IGSF21: variants seen among roughly 807,000 people sequenced by gnomAD.
IGSF21 encodes immunoglobulin superfamily member 21.
In IGSF21, 28 loss-of-function variants were observed where a neutral mutation model predicts 46.8. The observed-to-expected ratio is 0.60, with a 90% CI of 0.44 to 0.82. The LOEUF is 0.82. IGSF21 is among the 40% of genes least tolerant of loss of function. The probability of loss-of-function intolerance (pLI) is 0.00; values close to 1 mark genes in which losing one functional copy is unlikely to be tolerated. For missense variants in IGSF21, 624 were observed against 665.5 expected (o/e 0.94, Z 0.69); for synonymous variants, 284 against 273.6 (o/e 1.04, Z -0.38).
At chr1:18,206,147 G>C (rs556883851) in intron 1 of IGSF21, among the ~76,000 whole-genome samples, 3 of 152,218 alleles carry the variant, frequency 2.0e-5, no homozygotes, top group Non-Finnish European at 4.4e-5. Context: ...GAGGTTAGCT[G>C]GGAATTTTAG....
At chr1:18,160,565 A>G (rs2086609607) in intron 1 of IGSF21, among the ~76,000 whole-genome samples, 1 of 122,720 alleles carries the variant, frequency 8.1e-6, no homozygotes, top group South Asian at 2.7e-4. Flanking sequence ...TTTAAGTCAT[A>G]ATTTCTTTTC....
intron 3 of IGSF21, among the ~76,000 whole-genome samples, chr1:18,304,939 C>T (rs766401814): frequency 6.6e-6 from 1 of 152,208 alleles, no homozygotes; most frequent in Non-Finnish European, 1.5e-5. Flanking sequence ...GAATTTGCTC[C>T]AGGTGCTTCA....
At chr1:18,275,196 C>T (rs2124549826) in intron 2 of IGSF21, among the ~76,000 whole-genome samples, 1 of 152,354 alleles carries the variant, frequency 6.6e-6, no homozygotes, top group East Asian at 1.9e-4. Context: ...GCAGCTCTTG[C>T]AGGCTCTGGG....
At chr1:18,333,801 A>G (rs558986) in intron 3 of IGSF21, among the ~76,000 whole-genome samples, 135,518 of 152,250 alleles carry the variant, frequency 0.89, 60,601 homozygotes, top group East Asian at 0.99. Flanking sequence ...AACAGGAGCC[A>G]TCCAACTACA....
At position 18,345,478 on chromosome 1, in the gene IGSF21, G is replaced by A. The variant is rs891403891; in HGVS notation, c.424+10468G>A. 2.0e-5 allele frequency among the ~76,000 whole-genome samples: 3 copies of A among 152,128 alleles called. No individual in the cohort carries two copies. In the East Asian group the frequency reaches 5.8e-4, roughly 29 times the overall value. ...TAGCTCAATGCAACCTCCGCCTCCT[G>A]AGTTCAAGTCATCCTTGTGCCTCAG... On this transcript the variant is annotated intron_variant, in intron 4 of 9. Transcript: ENST00000251296.
intron 3 of IGSF21, among the ~76,000 whole-genome samples, chr1:18,306,240 G>A (rs1301564238): frequency 1.3e-5 from 2 of 152,034 alleles, no homozygotes; most frequent in Non-Finnish European, 2.9e-5. Flanking sequence ...ATCAGCTTCC[G>A]GACACCTTGG....
intron 4 of IGSF21, among the ~76,000 whole-genome samples, chr1:18,336,269 A>G (rs567127522): frequency 6.6e-6 from 1 of 152,354 alleles, no homozygotes; most frequent in African/African-American, 2.4e-5. Flanking sequence ...AAAGCAGAGT[A>G]AAGGGATAAA....
At chr1:18,259,609 C>T in intron 2 of IGSF21, among the ~76,000 whole-genome samples, 1 of 152,108 alleles carries the variant, frequency 6.6e-6, no homozygotes, top group East Asian at 1.9e-4. Flanking sequence ...GGGGACTTTC[C>T]TCCTGACATT....
intron 1 of IGSF21, among the ~76,000 whole-genome samples, chr1:18,204,006 T>C (rs1490821929): frequency 6.6e-6 from 1 of 152,208 alleles, no homozygotes; most frequent in African/African-American, 2.4e-5. Context: ...CTTGTTTCCT[T>C]TATCTGTAAG....
At chr1:18,248,075 A>G (rs1280865014) in intron 2 of IGSF21, among the ~76,000 whole-genome samples, 1 of 152,258 alleles carries the variant, frequency 6.6e-6, no homozygotes, top group African/African-American at 2.4e-5. Flanking sequence ...AAGTGTCTAC[A>G]CTGCAAGGAG....
intron 3 of IGSF21, among the ~76,000 whole-genome samples, chr1:18,328,951 C>A (rs2085685036): frequency 6.6e-6 from 1 of 152,162 alleles, no homozygotes; most frequent in Non-Finnish European, 1.5e-5. Flanking sequence ...AATTAAGGGG[C>A]CCGCCAGAAG....
intron 2 of IGSF21, among the ~76,000 whole-genome samples, chr1:18,250,124 T>TCCCTCCCA (rs1378581859): frequency 1.1e-5 from 1 of 94,700 alleles, no homozygotes; most frequent in African/African-American, 3.9e-5. Flanking sequence ...CCTCCCTCCC[T>TCCCTCCCA]CCCTCCCTCT....
intron 1 of IGSF21, among the ~76,000 whole-genome samples, chr1:18,139,986 G>A (rs1009879118): frequency 6.6e-6 from 1 of 151,972 alleles, no homozygotes; most frequent in East Asian, 1.9e-4. Context: ...TCGCTCTGTC[G>A]CTCAGGCTGA....
chr1:18,192,647 C>G (rs551822659), intron 1 of IGSF21, among the ~76,000 whole-genome samples: 3 of 152,176 alleles, frequency 2.0e-5, no homozygotes, highest in East Asian at 3.9e-4. Context: ...AGTCTGTGTG[C>G]TGAGGGCTGG....
At chr1:18,273,441 TC>T (rs1569691279) in intron 2 of IGSF21, among the ~76,000 whole-genome samples, 4 of 121,852 alleles carry the variant, frequency 3.3e-5, no homozygotes, top group Admixed American at 2.7e-4. Context: ...TTTCTTTCTT[TC>T]TCACTTTCTT....
chr1:18,298,356 C>T (rs77812808), intron 3 of IGSF21, among the ~76,000 whole-genome samples: 1,533 of 152,264 alleles, frequency 0.01, 14 homozygotes, highest in Non-Finnish European at 0.017. Context: ...ACCAAGGTGC[C>T]GTATTTGAGG....
At chr1:18,260,981 A>G (rs1490297932) in intron 2 of IGSF21, among the ~76,000 whole-genome samples, 1 of 152,220 alleles carries the variant, frequency 6.6e-6, no homozygotes, top group Non-Finnish European at 1.5e-5. Context: ...CTAGGTGAAG[A>G]GATGGGGGGA....
chr1:18,136,832 A>C (rs1443276832), intron 1 of IGSF21, among the ~76,000 whole-genome samples: 1 of 152,176 alleles, frequency 6.6e-6, no homozygotes, highest in Non-Finnish European at 1.5e-5. Flanking sequence ...CATTGAATCT[A>C]TAAATTACCT....
rs746728844 is a variant in IGSF21 at position 18,365,660 on chromosome 1, A to T, written c.978A>T (p.Pro326=). The T allele has an allele frequency of 2.5e-6, 4 of 1,614,058 alleles. No homozygotes were observed. Among genetic ancestry groups the T allele is most frequent in the Non-Finnish European group, 3.4e-6 (4 of 1,179,958 alleles). Residue 326 remains proline (P), a synonymous_variant, in exon 6 of 10, where the codon CCA becomes CCT. Transcript: ENST00000251296. The surrounding 1 kb of genome is among the most constrained non-coding windows in gnomAD (Gnocchi z 4.8). The part of the protein sequence containing the change: ...EALFSCEVKH[P]ALSMPMQAEV... ...TCTTCAGCTGCGAGGTCAAGCACCC[A>T]GCTCTGTCGATGCCCATGCAGGCAG...
Sources: allele counts gnomAD v4.1 joint callset (sites outside exome capture counted in the v4.1 genomes callset), GRCh38; gene constraint gnomAD v4.1.1; non-coding constraint Gnocchi (gnomAD v3.1); transcripts MANE v1.5; gene names NCBI Gene and HGNC (gene_info 2026-07-23, HGNC 2026-07-21).